The following RIMBP2 variants were observed in gnomAD, a reference collection of about 807,000 sequenced individuals.
The protein encoded by RIMBP2 is RIMS binding protein 2.
A neutral mutation model predicts 118.6 loss-of-function variants in RIMBP2; 48 were observed. The observed-to-expected ratio is 0.40, with a 90% confidence interval of 0.32 to 0.51. The LOEUF (loss-of-function observed/expected upper bound fraction) is 0.51. Ranked by LOEUF, RIMBP2 falls within the 20% of genes least tolerant of loss-of-function variation. The probability of loss-of-function intolerance (pLI) is 0.41; values close to 1 mark genes in which losing one functional copy is unlikely to be tolerated. For missense variants in RIMBP2, 1,551 were observed against 1,768.3 expected (o/e 0.88, Z 2.20); for synonymous variants, 762 against 742.9 (o/e 1.03, Z -0.42).
chr12:130,680,601 G>T (rs1265448728), intron 1 of RIMBP2, among the ~76,000 whole-genome samples: 3 of 152,208 alleles, frequency 2.0e-5, no homozygotes, highest in African/African-American at 7.2e-5. Flanking sequence ...CTCTCGGGGA[G>T]AGGCAATTTT....
intron 15 of RIMBP2, chr12:130,427,569 G>C (rs1326190633): frequency 6.6e-6 from 1 of 152,294 alleles, no homozygotes; most frequent in Non-Finnish European, 1.5e-5. Flanking sequence ...GCAGGTAACT[G>C]CCCGTCGACC....
chr12:130,548,300 C>A (rs1396166612), intron 2 of RIMBP2, among the ~76,000 whole-genome samples: 2 of 152,198 alleles, frequency 1.3e-5, no homozygotes, highest in African/African-American at 4.8e-5. Flanking sequence ...AATTTCTCAT[C>A]TTCCCCTTTG....
intron 2 of RIMBP2, among the ~76,000 whole-genome samples, chr12:130,595,766 G>T (rs575214151): frequency 2.6e-5 from 4 of 152,172 alleles, no homozygotes; most frequent in Non-Finnish European, 5.9e-5. Flanking sequence ...GGGCTGAGCA[G>T]GGCAAACGCC....
At chr12:130,472,434 C>T (rs2081085662) in intron 5 of RIMBP2, 1 of 152,258 alleles carries the variant, frequency 6.6e-6, no homozygotes. Context: ...ATCTCCCAAA[C>T]ATTCCCCGTG....
intron 20 of RIMBP2, among the ~76,000 whole-genome samples, chr12:130,407,201 C>T (rs1298338306): frequency 6.6e-6 from 1 of 152,200 alleles, no homozygotes; most frequent in Non-Finnish European, 1.5e-5. Flanking sequence ...GGTTCACATA[C>T]ATCTTGTCAT....
chr12:130,487,678 T>A (rs1031351514), intron 4 of RIMBP2, among the ~76,000 whole-genome samples: 5 of 152,148 alleles, frequency 3.3e-5, no homozygotes, highest in African/African-American at 1.2e-4. Flanking sequence ...GACCAGAGAT[T>A]ATTTTATTTA....
intron 1 of RIMBP2, among the ~76,000 whole-genome samples, chr12:130,708,634 C>T (rs902230131): frequency 3.9e-5 from 6 of 152,062 alleles, no homozygotes; most frequent in African/African-American, 1.2e-4. Flanking sequence ...TGCAGTGAAC[C>T]GGGATTATGC....
chr12:130,476,037 T>C (rs959296252), intron 5 of RIMBP2, among the ~76,000 whole-genome samples: 1 of 151,984 alleles, frequency 6.6e-6, no homozygotes, highest in African/African-American at 2.4e-5. Flanking sequence ...CATGAGACAG[T>C]GAGTATAGAC....
At chr12:130,474,224 A>G (rs2081248804) in intron 5 of RIMBP2, among the ~76,000 whole-genome samples, 1 of 152,178 alleles carries the variant, frequency 6.6e-6, no homozygotes, top group African/African-American at 2.4e-5. Context: ...TCACATGGAG[A>G]AAACAATGGT....
rs552295645 is a variant in RIMBP2 at position 130,714,243 on chromosome 12, C to T, written c.-352+1979G>A. On this transcript the variant is annotated intron_variant, in intron 1 of 22. Coordinates refer to ENST00000690449, the MANE Select transcript of RIMBP2 (RefSeq NM_001393629.1). ...TGGTCTCTTCCAGGCGCCAACAGTGCATGGGGCCAAAGAGATGAAACTGAA... is the reference window on the plus strand; with the variant it reads ...TGGTCTCTTCCAGGCGCCAACAGTGTATGGGGCCAAAGAGATGAAACTGAA... Among the ~76,000 whole-genome samples the T allele has an allele frequency of 7.2e-5, 11 of 152,372 alleles. No homozygotes were observed. The South Asian group carries it at 2.3e-3, about 32-fold the overall frequency.
intron 1 of RIMBP2, among the ~76,000 whole-genome samples, chr12:130,647,417 G>C (rs1422405865): frequency 1.8e-5 from 2 of 109,380 alleles, no homozygotes; most frequent in Non-Finnish European, 2.4e-5. Flanking sequence ...AGCCAAGGGA[G>C]TTAGAGTCAG....
intron 1 of RIMBP2, among the ~76,000 whole-genome samples, chr12:130,671,906 C>T (rs1354365687): frequency 6.6e-6 from 1 of 152,138 alleles, no homozygotes; most frequent in Non-Finnish European, 1.5e-5. Flanking sequence ...GCACCAAAAA[C>T]AAAATTATTT....
chr12:130,563,924 T>C lies in RIMBP2; in HGVS notation c.-216-46007A>G, dbSNP rs528951845. Among the ~76,000 whole-genome samples the C allele has an allele frequency of 4.6e-5, 7 of 151,720 alleles. No individual in the cohort carries two copies. In the South Asian group the frequency reaches 1.5e-3, roughly 32 times the overall value. Reference sequence around the variant, plus strand: ...AAAAACCTTCCTACACCTGCTGGGCTCTACATAACCTGGCTTCCCAGCCTC... The same window carrying C: ...AAAAACCTTCCTACACCTGCTGGGCCCTACATAACCTGGCTTCCCAGCCTC... On this transcript the variant is annotated intron_variant, in intron 2 of 22. Coordinates refer to ENST00000690449, the MANE Select transcript of RIMBP2 (RefSeq NM_001393629.1).
intron 4 of RIMBP2, among the ~76,000 whole-genome samples, chr12:130,482,120 G>T (rs2082067801): frequency 6.6e-6 from 1 of 152,204 alleles, no homozygotes; most frequent in African/African-American, 2.4e-5. Flanking sequence ...AACCCTGGCT[G>T]CCACCTCAGT....
At chr12:130,464,470 G>A (rs11060901) in intron 6 of RIMBP2, among the ~76,000 whole-genome samples, 3,059 of 151,858 alleles carry the variant, frequency 0.02, 93 homozygotes, top group East Asian at 0.16. Flanking sequence ...CTCACTGGCT[G>A]AATACCTACT....
intron 9 of RIMBP2, among the ~76,000 whole-genome samples, chr12:130,449,090 G>A (rs2078778309): frequency 6.6e-6 from 1 of 152,216 alleles, no homozygotes; most frequent in African/African-American, 2.4e-5. Context: ...CCAGCTGAAG[G>A]GCAGGGATAT....
intron 9 of RIMBP2, among the ~76,000 whole-genome samples, chr12:130,449,763 A>G (rs924863620): frequency 6.6e-6 from 1 of 152,098 alleles, no homozygotes; most frequent in African/African-American, 2.4e-5. Context: ...GGGAGAACGC[A>G]CAAAGACAGG....
intron 1 of RIMBP2, among the ~76,000 whole-genome samples, chr12:130,663,027 G>T (rs1467233784): frequency 9.2e-5 from 14 of 152,188 alleles, no homozygotes; most frequent in Non-Finnish European, 1.5e-5. Flanking sequence ...GGGAAAGAAG[G>T]CACCTGGATA....
At chr12:130,538,121 G>A (rs1406102321) in intron 2 of RIMBP2, among the ~76,000 whole-genome samples, 1 of 152,100 alleles carries the variant, frequency 6.6e-6, no homozygotes, top group Non-Finnish European at 1.5e-5. Context: ...GATCCAAGAT[G>A]GCAGCTCGTG....
Sources: allele counts gnomAD v4.1 joint callset (sites outside exome capture counted in the v4.1 genomes callset), GRCh38; gene constraint gnomAD v4.1.1; transcripts MANE v1.5; gene names NCBI Gene and HGNC (gene_info 2026-07-23, HGNC 2026-07-21).